KYAT3: variants seen among roughly 807,000 people sequenced by gnomAD.
KYAT3 encodes kynurenine aminotransferase 3.
KYAT3 carries 50 observed loss-of-function variants against 59.0 expected under a neutral mutation model. The ratio of observed to expected loss-of-function variants is 0.85; its 90% CI spans 0.68 to 1.07. The LOEUF (loss-of-function observed/expected upper bound fraction) is 1.07. Ranked by LOEUF, KYAT3 falls within the 50% of genes least tolerant of loss-of-function variation. KYAT3 has a pLI of 0.00. For synonymous variants in KYAT3, 148 were observed against 177.0 expected, an observed-to-expected ratio of 0.84 and a Z score of 1.30; for missense variants, 497 against 533.3, an observed-to-expected ratio of 0.93 and a Z score of 0.67.
chr1:88,929,500 C>G, the KYAT3 span, among the ~76,000 whole-genome samples: 1 of 152,162 alleles, frequency 6.6e-6, no homozygotes, highest in Non-Finnish European at 1.5e-5. Context: ...ACTGTTTTAC[C>G]CCAAGGGTTC....
intron 3 of KYAT3, 103 bp downstream of exon 3, chr1:88,969,306 C>G: frequency 1.4e-6 from 1 of 712,082 alleles, no homozygotes; most frequent in Non-Finnish European, 2.5e-6. Flanking sequence ...AAATGAGGAC[C>G]TTTATTTATA....
At chr1:88,942,919 T>C in intron 13 of KYAT3, 86 bp downstream of exon 13, 1 of 1,042,680 alleles carries the variant, frequency 9.6e-7, no homozygotes, top group African/African-American at 1.6e-5. Flanking sequence ...TATGAGCATA[T>C]CATTTTTAGA....
At chr1:88,934,897 A>G (rs1267654387), downstream of KYAT3, among the ~76,000 whole-genome samples, 3 of 152,230 alleles carry the variant, frequency 2.0e-5, no homozygotes, top group Non-Finnish European at 2.9e-5. Context: ...TCTGTCTTCA[A>G]CAAGGATCTT....
intron 8 of KYAT3, 46 bp downstream of exon 8, chr1:88,961,121 G>T: frequency 6.2e-7 from 1 of 1,604,312 alleles, no homozygotes; most frequent in South Asian, 1.1e-5. Context: ...TCTTCCATAT[G>T]TGCCCAAACA....
chr1:88,943,461 C>A, intron 11 of KYAT3, 38 bp from the exon 12 acceptor site: 2 of 973,002 alleles, frequency 2.1e-6, no homozygotes, highest in Admixed American at 2.3e-5. Flanking sequence ...CTATGAATTT[C>A]ATCTGATGCA....
chr1:88,988,758 A>G (rs1280004914), intron 1 of KYAT3, among the ~76,000 whole-genome samples: 1 of 152,262 alleles, frequency 6.6e-6, no homozygotes, highest in Admixed American at 6.5e-5. Context: ...TAGTAAAAGC[A>G]TAGTTTGTAA....
chr1:88,972,898 G>A (rs936571982), intron 2 of KYAT3, among the ~76,000 whole-genome samples: 3 of 152,310 alleles, frequency 2.0e-5, no homozygotes, highest in Non-Finnish European at 2.9e-5. Flanking sequence ...AATGAGATAC[G>A]TGGTTGCTAT....
rs1428329744 is a variant in KYAT3 at position 88,964,492 on chromosome 1, T to G, written c.453+337A>C. 4 of 263,600 alleles carry G rather than the reference T, an allele frequency of 1.5e-5. No homozygotes were observed. The East Asian group carries it at 3.8e-4, about 25-fold the overall frequency. 16.3% of individuals were successfully genotyped at this position (263,600 alleles called of 1,614,324 possible). A position where few individuals can be genotyped will look rare whatever the true frequency, so the allele number is the denominator to read the frequency against. On this transcript the variant is annotated intron_variant, in intron 5 of 13. Coordinates refer to ENST00000260508, the MANE Select transcript of KYAT3 (RefSeq NM_001008661.3). ...CAAGAGTATACACTGTATAATTATA[T>G]TCATATTAAGTAAAAGAGCAGTGAA... is the stretch of plus-strand genomic sequence containing the variant.
At chr1:88,975,566 C>G (rs1259416585) in intron 2 of KYAT3, among the ~76,000 whole-genome samples, 1 of 152,220 alleles carries the variant, frequency 6.6e-6, no homozygotes, top group African/African-American at 2.4e-5. Context: ...CTAATTATCA[C>G]AAGAAGGATA....
chr1:88,977,967 G>A (rs1373675870), intron 2 of KYAT3, among the ~76,000 whole-genome samples: 6 of 152,204 alleles, frequency 3.9e-5, no homozygotes, highest in African/African-American at 7.2e-5. Context: ...TGTGTAGCAG[G>A]CTATATACCA....
At chr1:88,966,381 G>A (rs960354364) in intron 4 of KYAT3, among the ~76,000 whole-genome samples, 1 of 152,006 alleles carries the variant, frequency 6.6e-6, no homozygotes, top group Non-Finnish European at 1.5e-5. Context: ...AATTTATTTA[G>A]GTATTGCTTA....
At chr1:88,983,045 C>G in intron 2 of KYAT3, 1 of 1,612,690 alleles carries the variant, frequency 6.2e-7, no homozygotes, top group Non-Finnish European at 8.5e-7. Flanking sequence ...ATCTCTATCG[C>G]CATAGCCTCT....
chr1:88,964,737 A>G (rs1536259), intron 5 of KYAT3, 92 bp downstream of exon 5: 458,351 of 989,454 alleles, frequency 0.46, 109,260 homozygotes, highest in Non-Finnish European at 0.5. Context: ...AAAAATAAAA[A>G]GAGAAAAGAG....
At chr1:88,947,717 T>C (rs998082171) in intron 11 of KYAT3, among the ~76,000 whole-genome samples, 2 of 152,154 alleles carry the variant, frequency 1.3e-5, no homozygotes, top group East Asian at 3.9e-4. Context: ...TATAGGAAAA[T>C]CATAACACCT....
At chr1:88,952,490 C>T (rs1022821117) in intron 10 of KYAT3, among the ~76,000 whole-genome samples, 4 of 152,186 alleles carry the variant, frequency 2.6e-5, no homozygotes, top group Middle Eastern at 3.4e-3. Context: ...TTGTGAGATA[C>T]GGTTGTTTAA....
intron 10 of KYAT3, among the ~76,000 whole-genome samples, chr1:88,952,855 T>C (rs1232016692): frequency 2.0e-5 from 3 of 152,192 alleles, no homozygotes; most frequent in Non-Finnish European, 2.9e-5. Context: ...GCCAGCAATG[T>C]TTAACACAGC....
chr1:88,939,227 T>C (rs1377131713), intron 13 of KYAT3, among the ~76,000 whole-genome samples: 1 of 152,246 alleles, frequency 6.6e-6, no homozygotes, highest in African/African-American at 2.4e-5. Context: ...TATAAAGTGC[T>C]ATTTTTGCCT....
chr1:88,939,761 G>T (rs1379975282), intron 13 of KYAT3, among the ~76,000 whole-genome samples: 1 of 151,848 alleles, frequency 6.6e-6, no homozygotes, highest in Non-Finnish European at 1.5e-5. Context: ...GTTCTTTGTG[G>T]TGTTTCTATT....
chr1:88,981,290 AC>A (rs1402933794), intron 2 of KYAT3: 4 of 152,210 alleles, frequency 2.6e-5, no homozygotes, highest in Non-Finnish European at 5.9e-5. Context: ...AAGACACTTC[AC>A]CAGATAGAGC....
Sources: gnomAD v4.1 joint callset for allele counts (sites outside exome capture counted in the v4.1 genomes callset) on GRCh38, gnomAD v4.1.1 for gene constraint, MANE v1.5 for transcripts, NCBI Gene and HGNC (gene_info 2026-07-23, HGNC 2026-07-21) for gene names.